Variants in ITGAX observed in about 807,000 individuals in gnomAD.
The protein encoded by ITGAX is integrin subunit alpha X.
ITGAX carries 99 observed loss-of-function variants against 140.2 expected under a neutral mutation model. The observed-to-expected ratio is 0.71, with a 90% confidence interval of 0.60 to 0.83. The LOEUF (loss-of-function observed/expected upper bound fraction) is 0.83. ITGAX is among the 40% of genes least tolerant of loss of function. ITGAX has a pLI of 0.00. For missense variants in ITGAX, 1,444 were observed against 1,482.0 expected, an observed-to-expected ratio of 0.97 and a Z score of 0.42; for synonymous variants, 631 against 600.4, an observed-to-expected ratio of 1.05 and a Z score of -0.75.
At chr16:31,356,879 CGCCCA>C in intron 3 of ITGAX, 147 bp from the exon 4 acceptor site, 1 of 811,102 alleles carries the variant, frequency 1.2e-6, no homozygotes, top group African/African-American at 1.7e-5. Context: ...AAGGCCTCCC[CGCCCA>C]TCGCACTCCC....
chr16:31,379,905 T>C (rs2142531804), intron 25 of ITGAX, 41 bp downstream of exon 25: 1 of 1,609,600 alleles, frequency 6.2e-7, no homozygotes, highest in South Asian at 1.1e-5. Flanking sequence ...GAATGCCCTT[T>C]CTACCTGGAT....
chr16:31,366,135 G>A (rs547126117), intron 14 of ITGAX, among the ~76,000 whole-genome samples: 2 of 152,300 alleles, frequency 1.3e-5, no homozygotes, highest in African/African-American at 2.4e-5. Context: ...GGTATGCAGC[G>A]ACCCTGCACT....
Position 31,361,060 on chromosome 16 carries a change from C to T in ITGAX, c.862-3C>T. 6.2e-7 allele frequency: 1 copy of T among 1,611,924 alleles called. No individual in the cohort carries two copies. On this transcript the variant is annotated splice_polypyrimidine_tract_variant and splice_region_variant and intron_variant, in intron 8 of 29. Coordinates refer to ENST00000268296, the MANE Select transcript of ITGAX (RefSeq NM_000887.5). ...TTACTGAGTTGATCTTTTCTGGGGA[C>T]AGGTTGGATTAGCTTTTCAAAACAG...
rs767126874 is a variant in ITGAX at position 31,355,250 on chromosome 16, T to C, written c.-5T>C. ...GCTCAGAGCTCCACATCTGACCTTCTAGTCATGACCAGGACCAGGGCAGCA... is the reference window on the plus strand; with the variant it reads ...GCTCAGAGCTCCACATCTGACCTTCCAGTCATGACCAGGACCAGGGCAGCA... On this transcript the variant is annotated 5_prime_UTR_variant, in exon 1 of 30. Transcript: ENST00000268296. The C allele has an allele frequency of 4.3e-6, 7 of 1,613,672 alleles. No homozygotes were observed. In the Admixed American group the frequency reaches 8.3e-5, roughly 19 times the overall value.
intron 9 of ITGAX, 23 bp downstream of exon 9, chr16:31,361,236 G>C (rs1255035689): frequency 3.8e-6 from 6 of 1,590,068 alleles, no homozygotes; most frequent in Admixed American, 1.8e-5. Context: ...GGAGCTCTTC[G>C]CTTGGGGAAT....
At chr16:31,378,072 G>T (rs2081036081) in intron 23 of ITGAX, among the ~76,000 whole-genome samples, 1 of 152,156 alleles carries the variant, frequency 6.6e-6, no homozygotes, top group African/African-American at 2.4e-5. Flanking sequence ...TGCCCACCAG[G>T]TCTCCAGGCT....
At chr16:31,366,375 CACT>C (rs1228256049) in intron 14 of ITGAX, among the ~76,000 whole-genome samples, 1 of 152,206 alleles carries the variant, frequency 6.6e-6, no homozygotes. Context: ...ACTGCTCCAC[CACT>C]GATAGCTCCC....
chr16:31,371,008 C>CA, intron 14 of ITGAX, 76 bp from the exon 15 acceptor site: 3 of 1,586,424 alleles, frequency 1.9e-6, no homozygotes, highest in Non-Finnish European at 2.6e-6. Context: ...GTCCTACCTC[C>CA]ATATTCCCCT....
Position 31,372,428 on chromosome 16 carries a change from G to A in ITGAX, c.2211G>A (p.Thr737=), listed in dbSNP as rs984893661. ...CCATTACCTTGCGTCTGAACTTCAC[G>A]CTGGTGGGCAAGCCCCTCCTTGCCT... ...VTPITLRLNF[T]LVGKPLLAFR... The change falls in exon 18 of 30, where the codon ACG becomes ACA. Residue 737 remains threonine, a synonymous_variant. Transcript: ENST00000268296. 14 of 1,609,326 alleles carry A rather than the reference G, an allele frequency of 8.7e-6. No homozygotes were observed. The highest frequency in any genetic ancestry group is 3.5e-5 in the Admixed American group (2 of 57,966).
chr16:31,378,211 G>A lies in ITGAX; in HGVS notation c.2789+946G>A, dbSNP rs1597083314. Reference sequence around the variant, plus strand: ...ATGGGAAAAAAGGGCCCCCGGGGAGGTATGTGGGGGACTGGGAAGGGGCAA... The same window carrying A: ...ATGGGAAAAAAGGGCCCCCGGGGAGATATGTGGGGGACTGGGAAGGGGCAA... On this transcript the variant is annotated intron_variant, in intron 23 of 29. Transcript: ENST00000268296. 2.6e-5 allele frequency among the ~76,000 whole-genome samples: 4 copies of A among 152,348 alleles called. No homozygotes were observed. In the South Asian group the frequency reaches 8.3e-4, roughly 32 times the overall value.
chr16:31,370,377 G>A (rs918435446), intron 14 of ITGAX, among the ~76,000 whole-genome samples: 2 of 152,178 alleles, frequency 1.3e-5, no homozygotes, highest in African/African-American at 4.8e-5. Context: ...TACAGGGGAG[G>A]CAGTGCCTGG....
At position 31,359,728 on chromosome 16, in the gene ITGAX, G is replaced by A. The variant is rs139466358; in HGVS notation, c.459G>A (p.Val153=). Residue 153 remains valine, a synonymous_variant, in exon 6 of 30, where the codon GTG becomes GTA. Transcript: ENST00000268296. ...GCCCAAGACAGGAGCAGGACATTGT[G>A]TTCCTGATCGATGGCTCAGGCAGCA... ...QECPRQEQDI[V]FLIDGSGSIS... The A allele has an allele frequency of 6.1e-5, 98 of 1,614,174 alleles. 1 individual carries two copies. In the African/African-American group the frequency reaches 1.2e-3, roughly 20 times the overall value.
At chr16:31,379,511 G>A (rs1020416949) in intron 23 of ITGAX, 57 bp from the exon 24 acceptor site, 2 of 1,501,214 alleles carry the variant, frequency 1.3e-6, no homozygotes, top group Non-Finnish European at 9.1e-7. Context: ...TCTAGCCAAT[G>A]CCTTCTGCAG....
chr16:31,356,566 G>A, intron 2 of ITGAX, 59 bp from the exon 3 acceptor site: 1 of 1,221,530 alleles, frequency 8.2e-7, no homozygotes, highest in Non-Finnish European at 1.2e-6. Context: ...ACTTGCCGGA[G>A]TGGCAGCTGT....
At chr16:31,373,680 T>C (rs2080994564) in intron 20 of ITGAX, among the ~76,000 whole-genome samples, 1 of 152,210 alleles carries the variant, frequency 6.6e-6, no homozygotes, top group South Asian at 2.1e-4. Context: ...CTTCAAATAT[T>C]TTAAAACACT....
At chr16:31,373,215 A>C (rs1183414831) in intron 19 of ITGAX, 34 bp from the exon 20 acceptor site, 1 of 1,576,462 alleles carries the variant, frequency 6.3e-7, no homozygotes, top group Admixed American at 1.7e-5. Flanking sequence ...TCAGTCACAG[A>C]ATCATCTTCT....
chr16:31,372,169 G>A (rs373827057), intron 17 of ITGAX, among the ~76,000 whole-genome samples: 13 of 150,794 alleles, frequency 8.6e-5, no homozygotes, highest in Middle Eastern at 3.4e-3. Context: ...GAGGTCTGGG[G>A]GGGGGGAGGA....
At chr16:31,373,104 GAAGA>G in intron 19 of ITGAX, 141 bp from the exon 20 acceptor site, 1 of 82,458 alleles carries the variant, frequency 1.2e-5, no homozygotes, top group Non-Finnish European at 1.7e-5. Flanking sequence ...TAAAAAAAAA[GAAGA>G]AGAAGAAGAA....
At chr16:31,360,227 AG>A in intron 7 of ITGAX, 82 bp from the exon 8 acceptor site, 5 of 1,520,812 alleles carry the variant, frequency 3.3e-6, no homozygotes, top group South Asian at 1.3e-5. Flanking sequence ...CCAAAGGAAA[AG>A]GCATCTTCTA....
Sources: allele counts gnomAD v4.1 joint callset (sites outside exome capture counted in the v4.1 genomes callset), GRCh38; gene constraint gnomAD v4.1.1; transcripts MANE v1.5; gene names NCBI Gene and HGNC (gene_info 2026-07-23, HGNC 2026-07-21).